Variants in PTPRT observed in about 807,000 individuals in gnomAD.
PTPRT encodes the protein protein tyrosine phosphatase receptor type T, also known as receptor-type tyrosine-protein phosphatase T.
Under a neutral mutation model 176.8 loss-of-function variants are expected in PTPRT, and 56 were observed. The observed-to-expected ratio is 0.32, with a 90% CI of 0.26 to 0.40. The LOEUF (loss-of-function observed/expected upper bound fraction) is 0.40, where lower values mean the gene tolerates loss of function less well. Among genes scored for constraint, PTPRT ranks in the 10% least tolerant of loss-of-function variants. The pLI, the probability that PTPRT is intolerant of heterozygous loss-of-function variation, is 1.00. For synonymous variants in PTPRT, 783 were observed against 739.0 expected (o/e 1.06, Z -0.96); for missense variants, 1,540 against 1,908.2 (o/e 0.81, Z 3.60).
At chr20:43,131,945 G>C (rs2013657793) in intron 1 of PTPRT, among the ~76,000 whole-genome samples, 1 of 151,900 alleles carries the variant, frequency 6.6e-6, no homozygotes, top group African/African-American at 2.4e-5. Flanking sequence ...ATCTATGCCT[G>C]AGCTAATAAG....
At chr20:43,005,984 T>C (rs1212399651) in intron 1 of PTPRT, among the ~76,000 whole-genome samples, 1 of 152,164 alleles carries the variant, frequency 6.6e-6, no homozygotes, top group African/African-American at 2.4e-5. Flanking sequence ...ATAAAATATA[T>C]CATAATGTGG....
intron 1 of PTPRT, among the ~76,000 whole-genome samples, chr20:43,118,099 A>C (rs2013123530): frequency 6.6e-6 from 1 of 152,230 alleles, no homozygotes; most frequent in African/African-American, 2.4e-5. Context: ...GGGACATATA[A>C]TAAACATTTT....
Position 42,399,981 on chromosome 20 carries a change from T to C in PTPRT, c.1561-47696A>G, listed in dbSNP as rs1057012382. Among the ~76,000 whole-genome samples, 4 of 152,188 alleles carry C rather than the reference T, an allele frequency of 2.6e-5. No homozygotes were observed. In the East Asian group the frequency reaches 5.8e-4, roughly 22 times the overall value. On this transcript the variant is annotated intron_variant, in intron 9 of 30. Transcript: ENST00000373187. ...AACAAATTGGACTGAATGTTAACAGTTGAGTCCAGATGTTCATTCCAGGCA... is the reference window on the plus strand; with the variant it reads ...AACAAATTGGACTGAATGTTAACAGCTGAGTCCAGATGTTCATTCCAGGCA...
chr20:42,486,616 C>A (rs2071468541), intron 7 of PTPRT, among the ~76,000 whole-genome samples: 1 of 152,088 alleles, frequency 6.6e-6, no homozygotes, highest in African/African-American at 2.4e-5. Flanking sequence ...TAACAAATCA[C>A]CCCCAAAGCC....
At chr20:42,933,949 C>T (rs1980022353) in intron 1 of PTPRT, among the ~76,000 whole-genome samples, 2 of 152,220 alleles carry the variant, frequency 1.3e-5, no homozygotes, top group African/African-American at 4.8e-5. Context: ...ACATCCTATG[C>T]AATTTTTCAG....
At chr20:43,051,625 TAA>T (rs35885799) in intron 1 of PTPRT, among the ~76,000 whole-genome samples, 26 of 91,936 alleles carry the variant, frequency 2.8e-4, no homozygotes, top group African/African-American at 3.7e-4. Context: ...TCTGTAACTG[TAA>T]AAAAAAAAAA....
In PTPRT at chr20:42,073,494, G is replaced by A. The variant is rs866747075; in HGVS notation, c.*7385C>T. On this transcript the variant is annotated 3_prime_UTR_variant, in exon 31 of 31. Transcript: ENST00000373187. ...AATAACCTCTGGAGATAATGTGTAT[G>A]GTAAGAAAAGCCCTGCTCTGTGTCC... 1 of 207,224 alleles carries A rather than the reference G, an allele frequency of 4.8e-6. No individual in the cohort carries two copies. 12.8% of individuals were successfully genotyped at this position (207,224 alleles called of 1,614,324 possible).
At chr20:42,719,608 T>C (rs1347545245) in intron 6 of PTPRT, among the ~76,000 whole-genome samples, 2 of 152,174 alleles carry the variant, frequency 1.3e-5, no homozygotes, top group African/African-American at 4.8e-5. Flanking sequence ...CTAAAGAGTA[T>C]TGTTAAAGGC....
At chr20:42,786,763 G>A (rs1223318815) in intron 3 of PTPRT, among the ~76,000 whole-genome samples, 1 of 152,118 alleles carries the variant, frequency 6.6e-6, no homozygotes, top group Admixed American at 6.5e-5. Flanking sequence ...AACCTTAAAG[G>A]CTCACTGACC....
intron 7 of PTPRT, among the ~76,000 whole-genome samples, chr20:42,664,249 T>A (rs1013329001): frequency 6.6e-6 from 1 of 152,232 alleles, no homozygotes; most frequent in Non-Finnish European, 1.5e-5. Flanking sequence ...CATTTTAAAG[T>A]TAGAGCTTTT....
At chr20:42,728,342 C>T (rs1165188254) in intron 6 of PTPRT, among the ~76,000 whole-genome samples, 2 of 152,168 alleles carry the variant, frequency 1.3e-5, no homozygotes, top group Non-Finnish European at 2.9e-5. Flanking sequence ...TCTATCACTG[C>T]TGCTGCTGCT....
intron 9 of PTPRT, among the ~76,000 whole-genome samples, chr20:42,435,651 A>G (rs1485134518): frequency 2.0e-5 from 3 of 152,368 alleles, no homozygotes; most frequent in Non-Finnish European, 2.9e-5. Flanking sequence ...TATGAGAGAT[A>G]TTAAAGAAAA....
chr20:42,171,407 T>A (rs766215323), intron 16 of PTPRT, among the ~76,000 whole-genome samples: 8 of 152,198 alleles, frequency 5.3e-5, no homozygotes, highest in Non-Finnish European at 1.0e-4. Context: ...AATTCTTGGC[T>A]AAAATTTCCA....
intron 29 of PTPRT, among the ~76,000 whole-genome samples, chr20:42,083,933 G>A (rs1004337930): frequency 2.6e-5 from 4 of 152,200 alleles, no homozygotes; most frequent in African/African-American, 9.7e-5. Flanking sequence ...TAGATTCTGT[G>A]ACACTTGCTC....
chr20:43,107,032 C>T (rs562508923), intron 1 of PTPRT, among the ~76,000 whole-genome samples: 63 of 152,146 alleles, frequency 4.1e-4, no homozygotes, highest in South Asian at 2.7e-3. Flanking sequence ...TCAGGTGATC[C>T]GCCCGCCTCG....
intron 15 of PTPRT, among the ~76,000 whole-genome samples, chr20:42,217,229 C>A (rs2055792455): frequency 6.6e-6 from 1 of 151,936 alleles, no homozygotes; most frequent in African/African-American, 2.4e-5. Flanking sequence ...AAAAATTAGC[C>A]CGGTGTGGTG....
intron 1 of PTPRT, among the ~76,000 whole-genome samples, chr20:42,898,370 G>C (rs2079341057): frequency 6.6e-6 from 1 of 152,066 alleles, no homozygotes; most frequent in Non-Finnish European, 1.5e-5. Flanking sequence ...CACCAAACTT[G>C]GCTAATTTTT....
chr20:42,529,020 T>C (rs1287796091), intron 7 of PTPRT, among the ~76,000 whole-genome samples: 1 of 152,202 alleles, frequency 6.6e-6, no homozygotes. Flanking sequence ...AACCATTGTA[T>C]GCTTCCTGCG....
the PTPRT span, among the ~76,000 whole-genome samples, chr20:42,041,037 T>G: frequency 6.6e-6 from 1 of 152,228 alleles, no homozygotes; most frequent in Non-Finnish European, 1.5e-5. Context: ...CTTGTGTTTC[T>G]GCGTGTGCTC....
Sources: allele counts gnomAD v4.1 joint callset (sites outside exome capture counted in the v4.1 genomes callset), GRCh38; gene constraint gnomAD v4.1.1; transcripts MANE v1.5; gene names NCBI Gene and HGNC (gene_info 2026-07-23, HGNC 2026-07-21).